Variants in IMMT observed in about 807,000 individuals in gnomAD.
The protein encoded by IMMT is inner membrane mitochondrial protein.
Under a neutral mutation model 92.7 loss-of-function variants are expected in IMMT, and 40 were observed. The ratio of observed to expected loss-of-function variants is 0.43; its 90% confidence interval spans 0.34 to 0.56. The LOEUF (loss-of-function observed/expected upper bound fraction) is 0.56. IMMT is among the 20% of genes least tolerant of loss of function. The probability of loss-of-function intolerance (pLI) is 0.03; values close to 1 mark genes in which losing one functional copy is unlikely to be tolerated. For missense variants in IMMT, 831 were observed against 912.1 expected (o/e 0.91, Z 1.14); for synonymous variants, 322 against 336.1 (o/e 0.96, Z 0.46).
chr2:86,182,530 T>C (rs1039891392), intron 1 of IMMT, among the ~76,000 whole-genome samples: 10 of 152,200 alleles, frequency 6.6e-5, no homozygotes, highest in African/African-American at 2.4e-4. Context: ...ATACAACTGG[T>C]ATTAAAAAGT....
chr2:86,188,627 T>C (rs1433185453), intron 1 of IMMT, among the ~76,000 whole-genome samples: 1 of 152,196 alleles, frequency 6.6e-6, no homozygotes, highest in Non-Finnish European at 1.5e-5. Flanking sequence ...AGTTTCACCA[T>C]GTTGTCCAGG....
At chr2:86,150,519 A>G (rs1675387633) in intron 12 of IMMT, among the ~76,000 whole-genome samples, 1 of 152,232 alleles carries the variant, frequency 6.6e-6, no homozygotes, top group Non-Finnish European at 1.5e-5. Context: ...AAGAAGACAC[A>G]AAGGTGGGAT....
chr2:86,159,389 C>T (rs924091678), intron 9 of IMMT, 147 bp downstream of exon 9: 2 of 788,894 alleles, frequency 2.5e-6, no homozygotes, highest in Non-Finnish European at 4.3e-6. Context: ...CCAGCCAAGG[C>T]AAATTTTTTA....
At chr2:86,179,317 G>T in intron 3 of IMMT, 116 bp downstream of exon 3, 1 of 786,082 alleles carries the variant, frequency 1.3e-6, no homozygotes, top group African/African-American at 1.8e-5. Context: ...GTATCCACAG[G>T]AGGTCCTGAA....
intron 13 of IMMT, among the ~76,000 whole-genome samples, chr2:86,146,554 T>C (rs2104541714): frequency 6.6e-6 from 1 of 151,742 alleles, no homozygotes; most frequent in Non-Finnish European, 1.5e-5. Flanking sequence ...TTAGTAGAGA[T>C]GGGTTTCACC....
chr2:86,173,893 T>G (rs1174665307), intron 3 of IMMT, 132 bp from the exon 4 acceptor site: 2 of 573,974 alleles, frequency 3.5e-6, no homozygotes, highest in Admixed American at 6.8e-5. Context: ...GTAACATATG[T>G]ATTTTATTAA....
At position 86,182,906 on chromosome 2, in the gene IMMT, A is replaced by C. The variant is rs140437382; in HGVS notation, c.46-1534T>G. ...CAAAAACAAAAAATACCAAACAAAC[A>C]AAAAAAACCCAGTATTTCAATTATT... On this transcript the variant is annotated intron_variant, in intron 1 of 14. Coordinates refer to ENST00000410111, the MANE Select transcript of IMMT (RefSeq NM_006839.3). 1.8e-3 allele frequency among the ~76,000 whole-genome samples: 270 copies of C among 151,900 alleles called. 4 individuals carry two copies. The highest frequency in any genetic ancestry group is 6.2e-3 in the African/African-American group (259 of 41,446).
At chr2:86,159,937 CT>C (rs3835960) in intron 8 of IMMT, 26,318 of 238,758 alleles carry the variant, frequency 0.11, 2,254 homozygotes, top group East Asian at 0.29. Context: ...AATGTAATTG[CT>C]TTTTTTTTTC....
intron 11 of IMMT, among the ~76,000 whole-genome samples, 163 bp downstream of exon 11, chr2:86,153,397 T>C (rs1431083770): frequency 6.6e-6 from 1 of 151,216 alleles, no homozygotes; most frequent in African/African-American, 2.4e-5. Context: ...CCTGAGAGCA[T>C]TCGGATGCCA....
intron 11 of IMMT, among the ~76,000 whole-genome samples, chr2:86,151,837 A>G (rs1573882910): frequency 6.6e-6 from 1 of 152,350 alleles, no homozygotes; most frequent in East Asian, 1.9e-4. Context: ...ACTTATATAT[A>G]CAATCACTTC....
Position 86,147,693 on chromosome 2 carries a change from G to C in IMMT, c.1533+9C>G. ...GAGGGGTGTGGCTGAAGGGAGTCCAGGTCCTCACCTGCTCAAATTCAGACT... is the reference window on the plus strand; with the variant it reads ...GAGGGGTGTGGCTGAAGGGAGTCCACGTCCTCACCTGCTCAAATTCAGACT... On this transcript the variant is annotated intron_variant, in intron 13 of 14. Coordinates refer to ENST00000410111, the MANE Select transcript of IMMT (RefSeq NM_006839.3). The C allele has an allele frequency of 6.2e-7, 1 of 1,612,070 alleles. No individual in the cohort carries two copies. Among genetic ancestry groups the C allele is most frequent in the African/African-American group, 1.3e-5 (1 of 74,958 alleles).
intron 12 of IMMT, among the ~76,000 whole-genome samples, chr2:86,149,808 A>T (rs1441556186): frequency 6.7e-6 from 1 of 150,132 alleles, no homozygotes; most frequent in Non-Finnish European, 1.5e-5. Context: ...TGAACCTGGG[A>T]GGCAGAGGTT....
At chr2:86,163,671 G>A (rs1031361610) in intron 7 of IMMT, among the ~76,000 whole-genome samples, 5 of 151,974 alleles carry the variant, frequency 3.3e-5, no homozygotes, top group Non-Finnish European at 5.9e-5. Flanking sequence ...TTCATGTATC[G>A]CTTTTTAAAT....
intron 7 of IMMT, 92 bp downstream of exon 7, chr2:86,166,416 G>A: frequency 8.5e-7 from 1 of 1,183,382 alleles, no homozygotes; most frequent in Non-Finnish European, 1.2e-6. Context: ...AAAGCAGTCT[G>A]TTAAATATTA....
intron 1 of IMMT, among the ~76,000 whole-genome samples, chr2:86,191,560 G>A (rs1437481791): frequency 1.3e-5 from 2 of 151,962 alleles, no homozygotes; most frequent in Non-Finnish European, 2.9e-5. Context: ...AAACCACACA[G>A]CAGATTCTGG....
chr2:86,173,536 T>C (rs964872729), intron 4 of IMMT, 114 bp downstream of exon 4: 5 of 656,906 alleles, frequency 7.6e-6, no homozygotes, highest in Non-Finnish European at 1.3e-5. Flanking sequence ...GCCGAGATTG[T>C]GCCACTGCAC....
intron 6 of IMMT, among the ~76,000 whole-genome samples, chr2:86,167,898 A>G (rs1353455024): frequency 6.6e-6 from 1 of 152,124 alleles, no homozygotes; most frequent in African/African-American, 2.4e-5. Context: ...TTAGGACACT[A>G]TAGCCCCTTT....
At chr2:86,152,066 A>T (rs1474097219) in intron 11 of IMMT, among the ~76,000 whole-genome samples, 1 of 152,160 alleles carries the variant, frequency 6.6e-6, no homozygotes, top group African/African-American at 2.4e-5. Flanking sequence ...ACACCCAAAG[A>T]TTCTCATCTA....
chr2:86,175,158 A>G (rs1193110466), intron 3 of IMMT, among the ~76,000 whole-genome samples: 1 of 152,138 alleles, frequency 6.6e-6, no homozygotes, highest in Non-Finnish European at 1.5e-5. Flanking sequence ...TTAAAGTAGC[A>G]GTATAAAAAA....
Sources: gnomAD v4.1 joint callset for allele counts (sites outside exome capture counted in the v4.1 genomes callset) on GRCh38, gnomAD v4.1.1 for gene constraint, MANE v1.5 for transcripts, NCBI Gene and HGNC (gene_info 2026-07-23, HGNC 2026-07-21) for gene names.